THSD4: variants seen among roughly 807,000 people sequenced by gnomAD.
The protein encoded by THSD4 is thrombospondin type 1 domain containing 4, also known as thrombospondin type-1 domain-containing protein 4.
In THSD4, 69 loss-of-function variants were observed where a neutral mutation model predicts 119.0. The observed-to-expected ratio is 0.58, with a 90% confidence interval of 0.48 to 0.71. The LOEUF (loss-of-function observed/expected upper bound fraction) is 0.71. THSD4 is among the 30% of genes least tolerant of loss of function. The pLI is 0.00. For missense variants in THSD4, 1,393 were observed against 1,391.1 expected (o/e 1.00, Z -0.02); for synonymous variants, 524 against 540.4 (o/e 0.97, Z 0.42).
At chr15:71,715,775 GT>G (rs3086733) in intron 8 of THSD4, among the ~76,000 whole-genome samples, 10,851 of 147,966 alleles carry the variant, frequency 0.073, 1,157 homozygotes, top group African/African-American at 0.24. Flanking sequence ...TAGGCTCTGG[GT>G]TTTTTTTTTT....
intron 6 of THSD4, among the ~76,000 whole-genome samples, chr15:71,355,054 G>A (rs1462928481): frequency 6.6e-6 from 1 of 152,094 alleles, no homozygotes; most frequent in Non-Finnish European, 1.5e-5. Flanking sequence ...CAAATGTTTC[G>A]TAAAACAAAA....
chr15:71,771,698 T>C (rs1272381711), intron 17 of THSD4, among the ~76,000 whole-genome samples: 1 of 152,056 alleles, frequency 6.6e-6, no homozygotes, highest in Non-Finnish European at 1.5e-5. Context: ...GTGACTAGAC[T>C]CAAGGAGGAG....
chr15:71,748,056 G>C (rs2053373489), intron 13 of THSD4, among the ~76,000 whole-genome samples: 1 of 152,142 alleles, frequency 6.6e-6, no homozygotes, highest in South Asian at 2.1e-4. Flanking sequence ...GTGCTGGTCG[G>C]TTGTGTCTAG....
At chr15:71,190,474 G>A (rs958473671) in intron 3 of THSD4, among the ~76,000 whole-genome samples, 1 of 152,172 alleles carries the variant, frequency 6.6e-6, no homozygotes, top group African/African-American at 2.4e-5. Flanking sequence ...TCTAAGGTAC[G>A]GTTAGGGCTG....
intron 1 of THSD4, among the ~76,000 whole-genome samples, chr15:71,136,943 CT>C (rs958757265): frequency 2.0e-5 from 3 of 152,258 alleles, no homozygotes; most frequent in African/African-American, 7.2e-5. Flanking sequence ...GATCCTGACC[CT>C]CTGTCTGACC....
chr15:71,741,165 A>G (rs1316551697), intron 11 of THSD4, among the ~76,000 whole-genome samples: 4 of 152,204 alleles, frequency 2.6e-5, no homozygotes, highest in East Asian at 1.9e-4. Flanking sequence ...TTCTGTCAAC[A>G]TAGCATAAAG....
At chr15:71,110,990 C>T (rs566339715), upstream of THSD4, 213 of 734,756 alleles carry the variant, frequency 2.9e-4, no homozygotes, top group Non-Finnish European at 4.4e-4. Context: ...GGCTGCCAGC[C>T]CCGCCTTCTC....
At chr15:71,248,600 A>G (rs2044227735) in intron 5 of THSD4, among the ~76,000 whole-genome samples, 1 of 152,186 alleles carries the variant, frequency 6.6e-6, no homozygotes, top group South Asian at 2.1e-4. Flanking sequence ...TTTAGCAAAC[A>G]TGGACATGAT....
chr15:71,213,355 A>G lies in THSD4; in HGVS notation c.100-1680A>G, dbSNP rs531379886. Among the ~76,000 whole-genome samples the G allele has an allele frequency of 1.3e-4, 20 of 152,310 alleles. No homozygotes were observed. In the South Asian group the frequency reaches 1.7e-3, roughly 13 times the overall value. On this transcript the variant is annotated intron_variant, in intron 3 of 17. Coordinates refer to ENST00000261862, the MANE Select transcript of THSD4 (RefSeq NM_024817.3). ...GGATGATCTCTTCTTGAGATGAGCT[A>G]TGTAATCTGGCACCGAGCAGGTGCC... is the stretch of plus-strand genomic sequence containing the variant.
intron 4 of THSD4, among the ~76,000 whole-genome samples, chr15:71,233,220 A>G (rs1234774893): frequency 1.3e-5 from 2 of 152,160 alleles, no homozygotes; most frequent in Non-Finnish European, 2.9e-5. Flanking sequence ...CAGTGTATTT[A>G]TAAGTGGGCA....
chr15:71,368,604 G>A (rs2046000407), intron 6 of THSD4, among the ~76,000 whole-genome samples: 1 of 152,132 alleles, frequency 6.6e-6, no homozygotes, highest in Admixed American at 6.5e-5. Context: ...TAGGTGTGTG[G>A]TATTATTTCT....
intron 8 of THSD4, among the ~76,000 whole-genome samples, chr15:71,672,888 G>T (rs1226082520): frequency 6.6e-6 from 1 of 152,184 alleles, no homozygotes; most frequent in African/African-American, 2.4e-5. Context: ...GATTCGGTTT[G>T]CAAGTATTTT....
chr15:71,098,886 G>A (rs2040242810), intron 1 of THSD4, among the ~76,000 whole-genome samples: 1 of 152,036 alleles, frequency 6.6e-6, no homozygotes, highest in African/African-American at 2.4e-5. Flanking sequence ...AGAAAATATT[G>A]GATTTTGTGT....
At position 71,518,687 on chromosome 15, in the gene THSD4, A is replaced by T. The variant is rs545295178; in HGVS notation, c.1152+106864A>T. 4.6e-5 allele frequency among the ~76,000 whole-genome samples: 7 copies of T among 152,282 alleles called. No individual in the cohort carries two copies. The East Asian group carries it at 1.4e-3, about 29-fold the overall frequency. On this transcript the variant is annotated intron_variant, in intron 7 of 17. Transcript: ENST00000261862. The stretch of plus-strand genomic sequence containing the variant: ...GACTCTCCCCCACCACCATATTCTA[A>T]TTGGAGGAATTTGAGTCTCAGAGAG...
At chr15:71,548,368 G>T (rs2048872188) in intron 7 of THSD4, among the ~76,000 whole-genome samples, 1 of 152,142 alleles carries the variant, frequency 6.6e-6, no homozygotes, top group Non-Finnish European at 1.5e-5. Context: ...AGGCCATGAG[G>T]CCACTTCACA....
At chr15:71,728,747 T>A in intron 9 of THSD4, 23 bp downstream of exon 9, 3 of 1,612,726 alleles carry the variant, frequency 1.9e-6, no homozygotes, top group Non-Finnish European at 2.5e-6. Flanking sequence ...GTTTCTGGAC[T>A]GTTCTTTGGA....
chr15:71,312,370 T>C (rs1012500386), intron 6 of THSD4, among the ~76,000 whole-genome samples: 1 of 151,550 alleles, frequency 6.6e-6, no homozygotes, highest in African/African-American at 2.4e-5. Context: ...GGTAATTGAG[T>C]TAAAATGAGG....
At chr15:71,642,939 TTAAAG>T (rs1003114089) in intron 7 of THSD4, among the ~76,000 whole-genome samples, 6 of 151,864 alleles carry the variant, frequency 4.0e-5, no homozygotes, top group African/African-American at 9.7e-5. Flanking sequence ...GCCCTAAAAC[TTAAAG>T]TATAATAATA....
chr15:71,437,721 A>G (rs1595766339), intron 7 of THSD4, among the ~76,000 whole-genome samples: 2 of 152,192 alleles, frequency 1.3e-5, no homozygotes, highest in Admixed American at 6.5e-5. Context: ...TAACTGTTGG[A>G]TAAATTCTTA....
Sources: allele counts gnomAD v4.1 joint callset (sites outside exome capture counted in the v4.1 genomes callset), GRCh38; gene constraint gnomAD v4.1.1; transcripts MANE v1.5; gene names NCBI Gene and HGNC (gene_info 2026-07-23, HGNC 2026-07-21).